The following GALNT10 variants were observed in gnomAD, a reference collection of about 807,000 sequenced individuals.
GALNT10 encodes polypeptide N-acetylgalactosaminyltransferase 10.
Under a neutral mutation model 75.0 loss-of-function variants are expected in GALNT10, and 41 were observed. The ratio of observed to expected loss-of-function variants is 0.55; its 90% CI spans 0.43 to 0.71. The LOEUF (loss-of-function observed/expected upper bound fraction) is 0.71. Ranked by LOEUF, GALNT10 falls within the 30% of genes least tolerant of loss-of-function variation. The probability of loss-of-function intolerance (pLI) is 0.00; values close to 1 mark genes in which losing one functional copy is unlikely to be tolerated. For synonymous variants in GALNT10, 302 were observed against 313.0 expected (o/e 0.96, Z 0.37); for missense variants, 727 against 818.5 (o/e 0.89, Z 1.36).
intron 7 of GALNT10, among the ~76,000 whole-genome samples, chr5:154,401,328 C>T (rs942186050): frequency 5.3e-5 from 8 of 152,304 alleles, no homozygotes; most frequent in African/African-American, 9.6e-5. Flanking sequence ...GCCCGGGAGA[C>T]GTTCAGAAAT....
chr5:154,356,038 G>C (rs576559867), intron 4 of GALNT10: 5 of 431,392 alleles, frequency 1.2e-5, no homozygotes, highest in Non-Finnish European at 2.3e-5. Flanking sequence ...TTCATTTCCT[G>C]AAAGCCTCTG....
chr5:154,227,437 T>A (rs1753081066), intron 1 of GALNT10, among the ~76,000 whole-genome samples: 1 of 152,246 alleles, frequency 6.6e-6, no homozygotes, highest in Non-Finnish European at 1.5e-5. Flanking sequence ...GCATGCTTAT[T>A]TCCCTCTGTA....
intron 1 of GALNT10, among the ~76,000 whole-genome samples, chr5:154,247,167 A>G (rs911210970): frequency 2.0e-5 from 3 of 152,156 alleles, no homozygotes; most frequent in African/African-American, 7.2e-5. Flanking sequence ...CCATTGGTCT[A>G]TATCTCTGTT....
intron 4 of GALNT10, among the ~76,000 whole-genome samples, chr5:154,350,592 T>C (rs1755191625): frequency 6.6e-6 from 1 of 152,146 alleles, no homozygotes; most frequent in Non-Finnish European, 1.5e-5. Context: ...AGCATGCTGG[T>C]AAAAGTTAAC....
At chr5:154,294,970 A>G (rs757873306) in intron 2 of GALNT10, 52 bp downstream of exon 2, 9 of 852,914 alleles carry the variant, frequency 1.1e-5, no homozygotes, top group African/African-American at 1.8e-5. Flanking sequence ...GCATATGCAC[A>G]TATGCTTGTG....
At chr5:154,410,120 A>G (rs904245489) in intron 9 of GALNT10, among the ~76,000 whole-genome samples, 11 of 152,238 alleles carry the variant, frequency 7.2e-5, no homozygotes, top group Non-Finnish European at 1.5e-4. Flanking sequence ...ATTTCTCACC[A>G]GAACAATCTA....
intron 4 of GALNT10, among the ~76,000 whole-genome samples, chr5:154,372,349 G>T (rs1755586003): frequency 6.6e-6 from 1 of 152,136 alleles, no homozygotes; most frequent in Non-Finnish European, 1.5e-5. Flanking sequence ...GGAGAAAGTG[G>T]GCACCGAAGA....
At position 154,386,355 on chromosome 5, in the gene GALNT10, G is replaced by A; in HGVS notation, c.981G>A (p.Lys327=). 1.2e-6 allele frequency: 2 copies of A among 1,614,168 alleles called. No individual in the cohort carries two copies. The highest frequency in any genetic ancestry group is 1.1e-5 in the South Asian group (1 of 91,078). The change falls in exon 7 of 12, where the codon AAG becomes AAA. Residue 327 remains lysine (K), a synonymous_variant. Transcript: ENST00000297107. ...GTGGACTGTTCGCCGTGGATCGGAAGTGGTTCTGGGAACTCGGCGGGTATG... is the reference window on the plus strand; with the variant it reads ...GTGGACTGTTCGCCGTGGATCGGAAATGGTTCTGGGAACTCGGCGGGTATG... ...MAGGLFAVDR[K]WFWELGGYDP...
At position 154,352,265 on chromosome 5, in the gene GALNT10, TCTTCCACACCCCAAA is replaced by T. The variant is rs1252898576; in HGVS notation, c.568+22530_568+22544del. 2.6e-5 allele frequency among the ~76,000 whole-genome samples: 4 copies of T among 152,198 alleles called. No homozygotes were observed. Among genetic ancestry groups the T allele is most frequent in the African/African-American group, 9.6e-5 (4 of 41,456 alleles). The stretch of plus-strand genomic sequence containing the variant: ...CTCAGCCACCCCCGGCTCCAGCTAC[TCTTCCACACCCCAAA>T]CTCAACACGGCCCACTGGTGGGAAT... On this transcript the variant is annotated intron_variant, in intron 4 of 11. Transcript: ENST00000297107. The surrounding 1 kb of genome is among the most constrained non-coding windows in gnomAD (Gnocchi z 4.4).
intron 1 of GALNT10, among the ~76,000 whole-genome samples, chr5:154,217,396 G>T (rs1323912119): frequency 6.6e-6 from 1 of 152,188 alleles, no homozygotes; most frequent in African/African-American, 2.4e-5. Flanking sequence ...CTGCCTTACA[G>T]GGTTTGTTGT....
At chr5:154,309,032 A>C (rs1754473410) in intron 3 of GALNT10, among the ~76,000 whole-genome samples, 1 of 152,212 alleles carries the variant, frequency 6.6e-6, no homozygotes, top group Non-Finnish European at 1.5e-5. Context: ...GATAGCAATA[A>C]GTGATGTGGG....
intron 1 of GALNT10, among the ~76,000 whole-genome samples, chr5:154,275,789 G>A (rs1753940589): frequency 6.6e-6 from 1 of 152,142 alleles, no homozygotes; most frequent in Admixed American, 6.5e-5. Context: ...CAAGGAAAAT[G>A]TGCCTGGCAC....
chr5:154,231,315 A>T (rs938840837), intron 1 of GALNT10, among the ~76,000 whole-genome samples: 1 of 152,180 alleles, frequency 6.6e-6, no homozygotes, highest in African/African-American at 2.4e-5. Context: ...GTTGGTTTGA[A>T]TGTATATACT....
intron 1 of GALNT10, among the ~76,000 whole-genome samples, chr5:154,242,555 AC>A (rs1461373096): frequency 6.6e-6 from 1 of 151,936 alleles, no homozygotes; most frequent in East Asian, 1.9e-4. Context: ...TGAGGCATAA[AC>A]CCTCCCTGGA....
At chr5:154,313,146 G>A (rs1465112015) in intron 3 of GALNT10, among the ~76,000 whole-genome samples, 3 of 151,842 alleles carry the variant, frequency 2.0e-5, no homozygotes, top group East Asian at 1.9e-4. Flanking sequence ...ACATCTCTAC[G>A]AAAAATACAA....
intron 7 of GALNT10, among the ~76,000 whole-genome samples, chr5:154,394,961 C>T (rs10069000): frequency 0.44 from 67,309 of 152,104 alleles, 17,391 homozygotes; most frequent in African/African-American, 0.71. Flanking sequence ...GGAAGGCATT[C>T]TGCTCATGAC....
intron 3 of GALNT10, among the ~76,000 whole-genome samples, chr5:154,319,490 C>T (rs1361129621): frequency 6.6e-6 from 1 of 152,162 alleles, no homozygotes; most frequent in African/African-American, 2.4e-5. Context: ...CTCATTTACC[C>T]CTCTGAGCTC....
At chr5:154,346,139 C>CGTGTGT (rs36124544) in intron 4 of GALNT10, among the ~76,000 whole-genome samples, 2,922 of 147,784 alleles carry the variant, frequency 0.02, 60 homozygotes, top group Admixed American at 0.05. Flanking sequence ...TTCGTGTGTG[C>CGTGTGT]GTGTGTGTGT....
chr5:154,381,580 G>C (rs1322820127), intron 6 of GALNT10, among the ~76,000 whole-genome samples: 1 of 152,222 alleles, frequency 6.6e-6, no homozygotes, highest in East Asian at 1.9e-4. Context: ...ACAAATTTAT[G>C]CTTAAAACTC....
Sources: allele counts gnomAD v4.1 joint callset (sites outside exome capture counted in the v4.1 genomes callset), GRCh38; gene constraint gnomAD v4.1.1; non-coding constraint Gnocchi (gnomAD v3.1); transcripts MANE v1.5; gene names NCBI Gene and HGNC (gene_info 2026-07-23, HGNC 2026-07-21).